PDSS1: variants seen among roughly 807,000 people sequenced by gnomAD.
PDSS1 encodes the protein all trans-polyprenyl-diphosphate synthase PDSS1.
PDSS1 carries 43 observed loss-of-function variants against 57.5 expected under a neutral mutation model. That is an observed-to-expected ratio of 0.75 (90% CI 0.59 to 0.96). The LOEUF is 0.96. PDSS1 is among the 50% of genes least tolerant of loss of function. The pLI is 0.00. For missense variants in PDSS1, 438 were observed against 527.8 expected, an observed-to-expected ratio of 0.83 and a Z score of 1.67; for synonymous variants, 175 against 191.3, an observed-to-expected ratio of 0.91 and a Z score of 0.70.
intron 8 of PDSS1, among the ~76,000 whole-genome samples, chr10:26,733,920 G>A (rs1836299981): frequency 6.6e-6 from 1 of 152,164 alleles, no homozygotes; most frequent in Non-Finnish European, 1.5e-5. Context: ...GTTACAGTGA[G>A]CTATGATCGC....
chr10:26,728,226 G>A (rs1320422136), intron 8 of PDSS1, among the ~76,000 whole-genome samples: 6 of 151,986 alleles, frequency 3.9e-5, no homozygotes, highest in African/African-American at 7.2e-5. Context: ...GCATGGTGGC[G>A]GGCACCTGTA....
At chr10:26,734,820 T>G (rs1836335264) in intron 8 of PDSS1, 1 of 452,214 alleles carries the variant, frequency 2.2e-6, no homozygotes, top group Non-Finnish European at 4.4e-6. Flanking sequence ...GATACATTGA[T>G]AGAGATGATT....
chr10:26,707,760 C>T (rs1443258443), intron 4 of PDSS1, among the ~76,000 whole-genome samples: 1 of 152,256 alleles, frequency 6.6e-6, no homozygotes, highest in Non-Finnish European at 1.5e-5. Flanking sequence ...ATCTCCCACA[C>T]CCAGGTAGCT....
intron 2 of PDSS1, among the ~76,000 whole-genome samples, chr10:26,703,544 T>C (rs1403897894): frequency 6.6e-6 from 1 of 152,182 alleles, no homozygotes; most frequent in Admixed American, 6.5e-5. Flanking sequence ...ATAAGTATTA[T>C]AATAAAATAC....
chr10:26,723,749 C>A, intron 6 of PDSS1, 57 bp from the exon 7 acceptor site: 2 of 1,167,492 alleles, frequency 1.7e-6, no homozygotes, highest in Non-Finnish European at 2.6e-6. Flanking sequence ...TCATCATTGG[C>A]TCTACTGCTC....
Position 26,746,567 on chromosome 10 carries a change from A to G in PDSS1, c.*94A>G. The G allele has an allele frequency of 1.5e-6, 2 of 1,329,744 alleles. No individual in the cohort carries two copies. The highest frequency in any genetic ancestry group is 1.7e-5 in the Admixed American group (1 of 58,564). 82.4% of individuals were successfully genotyped at this position (1,329,744 alleles called of 1,614,324 possible). ...TTGTTTGCTTCATGTGCAGATAACC[A>G]AAAATCATTTTAAAAGATATCAAAC... On this transcript the variant is annotated 3_prime_UTR_variant, in exon 12 of 12. Coordinates refer to ENST00000376215, the MANE Select transcript of PDSS1 (RefSeq NM_014317.5).
intron 11 of PDSS1, 62 bp from the exon 12 acceptor site, chr10:26,746,271 A>AAGTT: frequency 6.6e-7 from 1 of 1,517,466 alleles, no homozygotes; most frequent in Middle Eastern, 1.7e-4. Flanking sequence ...TTATAGCAGG[A>AAGTT]AGTTAAAACG....
chr10:26,746,507 C>A lies in PDSS1; in HGVS notation c.*34C>A, dbSNP rs1564442303. On this transcript the variant is annotated 3_prime_UTR_variant, in exon 12 of 12. Coordinates refer to ENST00000376215, the MANE Select transcript of PDSS1 (RefSeq NM_014317.5). Reference sequence around the variant, plus strand: ...TCTGTTCTTTCTGGCAGCTATCTTACCAGACTGTGCCTAAAGAATTTTGTG... The same window carrying A: ...TCTGTTCTTTCTGGCAGCTATCTTAACAGACTGTGCCTAAAGAATTTTGTG... The A allele has an allele frequency of 6.2e-7, 1 of 1,609,310 alleles. No homozygotes were observed. Among genetic ancestry groups the A allele is most frequent in the African/African-American group, 1.3e-5 (1 of 74,806 alleles).
chr10:26,697,923 G>A, intron 1 of PDSS1, 83 bp downstream of exon 1: 1 of 1,179,314 alleles, frequency 8.5e-7, no homozygotes, highest in Admixed American at 4.4e-5. Flanking sequence ...TGGGAGCGGG[G>A]AGCACGTGCG....
Position 26,723,729 on chromosome 10 carries a change from C to G in PDSS1, c.610-77C>G. ...GCCCCCACTTCCACGAAGCTCCCTT[C>G]CAGTCAGTTTCATCATTGGCTCTAC... On this transcript the variant is annotated intron_variant, in intron 6 of 11. Coordinates refer to ENST00000376215, the MANE Select transcript of PDSS1 (RefSeq NM_014317.5). 5 of 979,212 alleles carry G rather than the reference C, an allele frequency of 5.1e-6. No individual in the cohort carries two copies. In the South Asian group the frequency reaches 6.4e-5, roughly 13 times the overall value. 60.7% of individuals were successfully genotyped at this position (979,212 alleles called of 1,614,324 possible).
At chr10:26,735,031 C>T (rs969427541) in intron 8 of PDSS1, among the ~76,000 whole-genome samples, 3 of 152,206 alleles carry the variant, frequency 2.0e-5, no homozygotes, top group African/African-American at 7.2e-5. Flanking sequence ...GGAGAATTTT[C>T]TTAGAATTTA....
chr10:26,731,011 A>G (rs1486744245), intron 8 of PDSS1, among the ~76,000 whole-genome samples: 3 of 152,022 alleles, frequency 2.0e-5, no homozygotes, highest in Non-Finnish European at 4.4e-5. Context: ...GTTCGAGACC[A>G]GCCTGGCCAA....
chr10:26,727,741 G>T (rs1008744886), intron 8 of PDSS1, among the ~76,000 whole-genome samples: 1 of 151,840 alleles, frequency 6.6e-6, no homozygotes, highest in Non-Finnish European at 1.5e-5. Context: ...CTGTTATAAC[G>T]AAAGGGAAAA....
At position 26,697,763 on chromosome 10, in the gene PDSS1, G is replaced by C; in HGVS notation, c.52G>C (p.Ala18Pro). Residue 18 changes from alanine to proline, a missense_variant, in exon 1 of 12, where the codon GCG becomes CCG. By Grantham distance (27) the Ala-to-Pro change is conservative (BLOSUM62 -1). This residue lies in a region of PDSS1 where 154 missense variants were observed against 137.0 expected (regional missense o/e 1.12). Transcript: ENST00000376215. ...WRRGCSWKPA[A>P]RSPGPGSPGR... ...GCGCGGCTGCTCCTGGAAGCCGGCG[G>C]CGCGGAGCCCCGGGCCCGGCTCCCC... is the stretch of plus-strand genomic sequence containing the variant. The C allele has an allele frequency of 7.7e-7, 1 of 1,291,676 alleles. No homozygotes were observed. Among genetic ancestry groups the C allele is most frequent in the South Asian group, 2.5e-5 (1 of 39,972 alleles). The allele number at this position is 1,291,676 out of a possible 1,614,324, so 80.0% of individuals were successfully genotyped here.
intron 1 of PDSS1, among the ~76,000 whole-genome samples, chr10:26,700,384 C>T (rs1835010787): frequency 6.6e-6 from 1 of 151,922 alleles, no homozygotes; most frequent in Non-Finnish European, 1.5e-5. Flanking sequence ...CAGGAGAATC[C>T]CTTTAGCTCA....
At chr10:26,739,790 C>G (rs1305091813) in intron 10 of PDSS1, among the ~76,000 whole-genome samples, 1 of 152,096 alleles carries the variant, frequency 6.6e-6, no homozygotes, top group African/African-American at 2.4e-5. Context: ...TCACTTGAGG[C>G]CAGGAGTTTG....
At chr10:26,721,877 A>G (rs770826938) in intron 6 of PDSS1, among the ~76,000 whole-genome samples, 33 of 152,182 alleles carry the variant, frequency 2.2e-4, no homozygotes, top group Admixed American at 1.6e-3. Context: ...TTCAGTTCTG[A>G]CAGCCATCTG....
intron 5 of PDSS1, chr10:26,714,725 T>C (rs1034655237): frequency 1.3e-5 from 2 of 152,180 alleles, no homozygotes; most frequent in Non-Finnish European, 2.9e-5. Flanking sequence ...ACTACCCAAA[T>C]TGTGCTGTAC....
At chr10:26,697,870 G>T in intron 1 of PDSS1, 30 bp downstream of exon 1, 3 of 1,271,822 alleles carry the variant, frequency 2.4e-6, no homozygotes, top group Non-Finnish European at 3.0e-6. Flanking sequence ...GCCCGGCGGG[G>T]CTCAGAGGTC....
Sources: gnomAD v4.1 joint callset for allele counts (sites outside exome capture counted in the v4.1 genomes callset) on GRCh38, gnomAD v4.1.1 for gene constraint, gnomAD v4.1.1 regional missense constraint, MANE v1.5 for transcripts, NCBI Gene and HGNC (gene_info 2026-07-23, HGNC 2026-07-21) for gene names.